The following ZC2HC1A variants were observed in gnomAD, a reference collection of about 807,000 sequenced individuals.
ZC2HC1A encodes the protein zinc finger C2HC domain-containing protein 1A.
ZC2HC1A carries 28 observed loss-of-function variants against 40.7 expected under a neutral mutation model. The observed-to-expected ratio is 0.69, with a 90% CI of 0.51 to 0.94. The LOEUF is 0.94. ZC2HC1A is among the 40% of genes least tolerant of loss of function. The pLI, the probability that ZC2HC1A is intolerant of heterozygous loss-of-function variation, is 0.00. For missense variants in ZC2HC1A, 389 were observed against 386.3 expected, an observed-to-expected ratio of 1.01 and a Z score of -0.06; for synonymous variants, 129 against 129.2, an observed-to-expected ratio of 1.00 and a Z score of 0.01.
intron 7 of ZC2HC1A, among the ~76,000 whole-genome samples, chr8:78,707,701 C>A (rs1810818943): frequency 6.6e-6 from 1 of 152,076 alleles, no homozygotes; most frequent in Admixed American, 6.5e-5. Flanking sequence ...AAGATCCTTG[C>A]AGATTAAAGG....
In ZC2HC1A at chr8:78,713,381, G is replaced by A. The variant is rs916711894; in HGVS notation, c.705-1840G>A. Among the ~76,000 whole-genome samples, 7 of 151,518 alleles carry A rather than the reference G, an allele frequency of 4.6e-5. No homozygotes were observed. The South Asian group carries it at 6.3e-4, about 14-fold the overall frequency. On this transcript the variant is annotated intron_variant, in intron 7 of 8. Transcript: ENST00000263849. ...ACATTTTGAACAACCTCAAGTTACCGATATGGTGACATTATGTGTATATAT... is the reference window on the plus strand; with the variant it reads ...ACATTTTGAACAACCTCAAGTTACCAATATGGTGACATTATGTGTATATAT...
chr8:78,706,172 G>A (rs1319301361), intron 7 of ZC2HC1A, among the ~76,000 whole-genome samples: 2 of 152,142 alleles, frequency 1.3e-5, no homozygotes, highest in Non-Finnish European at 2.9e-5. Flanking sequence ...TCCATCCCAG[G>A]TAGGCTCAAA....
At chr8:78,694,164 C>T (rs1057473436) in intron 5 of ZC2HC1A, among the ~76,000 whole-genome samples, 6 of 151,922 alleles carry the variant, frequency 3.9e-5, no homozygotes, top group Non-Finnish European at 8.8e-5. Flanking sequence ...TTATAGTTTG[C>T]AATTTTCCAT....
intron 5 of ZC2HC1A, among the ~76,000 whole-genome samples, chr8:78,695,586 A>G (rs1293967535): frequency 6.6e-6 from 1 of 152,104 alleles, no homozygotes. Flanking sequence ...TAGTTTAACA[A>G]ATTTTTGTTA....
intron 7 of ZC2HC1A, among the ~76,000 whole-genome samples, chr8:78,701,529 A>G (rs146685263): frequency 0.016 from 2,405 of 152,214 alleles, 56 homozygotes; most frequent in African/African-American, 0.054. Context: ...TTCCAAAACT[A>G]TGTTGAATAG....
chr8:78,667,559 A>AT lies in ZC2HC1A; in HGVS notation c.16+1397dup, dbSNP rs528017866. Among the ~76,000 whole-genome samples, 262 of 152,268 alleles carry AT rather than the reference A, an allele frequency of 1.7e-3. 1 individual carries two copies. Among genetic ancestry groups the AT allele is most frequent in the African/African-American group, 5.8e-3 (242 of 41,562 alleles). On this transcript the variant is annotated intron_variant, in intron 1 of 8. Transcript: ENST00000263849. The stretch of plus-strand genomic sequence containing the variant: ...TTTATTATTTTATTCAACATTTGTT[A>AT]TTAAGACAAAGATCATCATCTGATT...
chr8:78,715,763 G>GT (rs1355268849), intron 8 of ZC2HC1A, among the ~76,000 whole-genome samples: 1 of 152,166 alleles, frequency 6.6e-6, no homozygotes, highest in East Asian at 1.9e-4. Flanking sequence ...TGGATGAGGA[G>GT]TTGTGGTGGC....
intron 3 of ZC2HC1A, among the ~76,000 whole-genome samples, chr8:78,681,294 A>G (rs1809768863): frequency 6.6e-6 from 1 of 152,196 alleles, no homozygotes; most frequent in Admixed American, 6.5e-5. Flanking sequence ...AGAAGCGATG[A>G]ATAATAGAAA....
intron 7 of ZC2HC1A, among the ~76,000 whole-genome samples, chr8:78,709,273 A>T (rs1410591835): frequency 6.6e-6 from 1 of 152,228 alleles, no homozygotes; most frequent in Non-Finnish European, 1.5e-5. Context: ...TTTGTTTCTC[A>T]TACCTTATTT....
Position 78,717,565 on chromosome 8 carries a change from A to G in ZC2HC1A, c.*72A>G. ...ATTGCTGCTTGGACAGCTAGAGCAC[A>G]TCCTCTAGTTAGTTTGTGCTAAAAA... On this transcript the variant is annotated 3_prime_UTR_variant, in exon 9 of 9. Coordinates refer to ENST00000263849, the MANE Select transcript of ZC2HC1A (RefSeq NM_016010.3). 1 of 1,451,040 alleles carries G rather than the reference A, an allele frequency of 6.9e-7. No homozygotes were observed. The highest frequency in any genetic ancestry group is 9.2e-7 in the Non-Finnish European group (1 of 1,084,206). 89.9% of individuals were successfully genotyped at this position (1,451,040 alleles called of 1,614,324 possible).
chr8:78,708,566 A>C (rs980405339), intron 7 of ZC2HC1A, among the ~76,000 whole-genome samples: 3 of 152,036 alleles, frequency 2.0e-5, no homozygotes, highest in Non-Finnish European at 4.4e-5. Context: ...TAAATGTAAA[A>C]AAAAGCAATC....
At position 78,675,803 on chromosome 8, in the gene ZC2HC1A, C is replaced by A. The variant is rs1809560262; in HGVS notation, c.33C>A (p.Val11=). Residue 11 remains valine (V), a synonymous_variant, in exon 2 of 9, where the codon GTC becomes GTA. Coordinates refer to ENST00000263849, the MANE Select transcript of ZC2HC1A (RefSeq NM_016010.3). ...CTGTTTTAGAGAATGGAGGTGTTGTCCAAGTTGGAGAATTGTTACCTTGCA... is the reference window on the plus strand; with the variant it reads ...CTGTTTTAGAGAATGGAGGTGTTGTACAAGTTGGAGAATTGTTACCTTGCA... MEGLEENGGV[V]QVGELLPCKI... is the part of the protein sequence containing the mutation. 3 of 1,608,738 alleles carry A rather than the reference C, an allele frequency of 1.9e-6. No homozygotes were observed. Among genetic ancestry groups the A allele is most frequent in the Non-Finnish European group, 2.5e-6 (3 of 1,176,944 alleles).
chr8:78,673,083 A>G (rs1195119669), intron 1 of ZC2HC1A, among the ~76,000 whole-genome samples: 1 of 151,938 alleles, frequency 6.6e-6, no homozygotes, highest in Non-Finnish European at 1.5e-5. Context: ...ACCCCCTGAC[A>G]GGCCCTGGAG....
At position 78,689,235 on chromosome 8, in the gene ZC2HC1A, T is replaced by C; in HGVS notation, c.366T>C (p.Cys122=). The part of the protein sequence containing the change: ...PPSYDPDYIQ[C]PYCQRRFNEN... ...TATCTGTTATAGATTATATTCAATG[T>C]CCATATTGTCAGAGGAGATTCAATG... The change falls in exon 5 of 9, where the codon TGT becomes TGC. Residue 122 remains cysteine, a synonymous_variant. Transcript: ENST00000263849. 1 of 1,571,422 alleles carries C rather than the reference T, an allele frequency of 6.4e-7. No individual in the cohort carries two copies. Among genetic ancestry groups the C allele is most frequent in the Non-Finnish European group, 8.6e-7 (1 of 1,160,278 alleles).
At chr8:78,690,141 T>C (rs1445105898) in intron 5 of ZC2HC1A, among the ~76,000 whole-genome samples, 1 of 152,208 alleles carries the variant, frequency 6.6e-6, no homozygotes, top group East Asian at 1.9e-4. Flanking sequence ...GGACATGCTG[T>C]TCTGTTCCAT....
chr8:78,717,630 C>A lies in ZC2HC1A; in HGVS notation c.*137C>A, dbSNP rs186118778. The A allele has an allele frequency of 4.7e-4, 455 of 965,914 alleles. 2 individuals are homozygous for A. In the African/African-American group the frequency reaches 6.6e-3, roughly 14 times the overall value. The allele number at this position is 965,914 out of a possible 1,614,324, so 59.8% of individuals were successfully genotyped here. On this transcript the variant is annotated 3_prime_UTR_variant, in exon 9 of 9. Transcript: ENST00000263849. Reference sequence around the variant, plus strand: ...TTTCCAGTTAATTTTGAAGTGTAATCTTTTGGCTATATAATGTGTGTATGT... The same window carrying A: ...TTTCCAGTTAATTTTGAAGTGTAATATTTTGGCTATATAATGTGTGTATGT...
intron 4 of ZC2HC1A, among the ~76,000 whole-genome samples, 197 bp downstream of exon 4, chr8:78,686,805 A>G (rs984860093): frequency 1.3e-5 from 2 of 152,142 alleles, no homozygotes; most frequent in Non-Finnish European, 1.5e-5. Flanking sequence ...ATGGAAGTGT[A>G]TTATGTTTTT....
At chr8:78,708,767 G>A (rs1001941927) in intron 7 of ZC2HC1A, among the ~76,000 whole-genome samples, 3 of 148,600 alleles carry the variant, frequency 2.0e-5, no homozygotes, top group Non-Finnish European at 3.0e-5. Flanking sequence ...CGTAACCTCC[G>A]CCTCCTGGAT....
rs1414949545 is a variant in ZC2HC1A at position 78,717,926 on chromosome 8, ATAG to A, written c.*437_*439del. 1 of 153,842 alleles carries A rather than the reference ATAG, an allele frequency of 6.5e-6. No individual in the cohort carries two copies. Among genetic ancestry groups the A allele is most frequent in the African/African-American group, 2.4e-5 (1 of 41,454 alleles). The allele number at this position is 153,842 out of a possible 1,614,324, so 9.5% of individuals were successfully genotyped here. A position where few individuals can be genotyped will look rare whatever the true frequency, so the allele number is the denominator to read the frequency against. ...TTGGTGCCTATCTTCAGATAGTATC[ATAG>A]TAGGATAGATGCTGGGAATTTTGTA... On this transcript the variant is annotated 3_prime_UTR_variant, in exon 9 of 9. Coordinates refer to ENST00000263849, the MANE Select transcript of ZC2HC1A (RefSeq NM_016010.3).
Sources: allele counts gnomAD v4.1 joint callset (sites outside exome capture counted in the v4.1 genomes callset), GRCh38; gene constraint gnomAD v4.1.1; transcripts MANE v1.5; gene names NCBI Gene and HGNC (gene_info 2026-07-23, HGNC 2026-07-21).